The following RORB variants were observed in gnomAD, a reference collection of about 807,000 sequenced individuals.
RORB encodes RAR related orphan receptor B.
A neutral mutation model predicts 59.1 loss-of-function variants in RORB; 6 were observed. The ratio of observed to expected loss-of-function variants is 0.10; its 90% CI spans 0.06 to 0.20. The LOEUF (loss-of-function observed/expected upper bound fraction) is 0.20, where lower values mean the gene tolerates loss of function less well. Among genes scored for constraint, RORB ranks in the 10% least tolerant of loss-of-function variants. The pLI, the probability that RORB is intolerant of heterozygous loss-of-function variation, is 1.00. For missense variants in RORB, 320 were observed against 560.5 expected (o/e 0.57, Z 4.33); for synonymous variants, 215 against 204.5 (o/e 1.05, Z -0.44).
intron 1 of RORB, among the ~76,000 whole-genome samples, chr9:74,554,652 C>CTGTT (rs764935448): frequency 8.6e-5 from 13 of 151,994 alleles, no homozygotes; most frequent in African/African-American, 1.4e-4. Flanking sequence ...TACAAGCTTT[C>CTGTT]TGTTTGTTTG....
intron 1 of RORB, among the ~76,000 whole-genome samples, chr9:74,594,447 C>CTATCTGCTA (rs1240507572): frequency 6.6e-6 from 1 of 152,118 alleles, no homozygotes; most frequent in African/African-American, 2.4e-5. Context: ...ATATTCAAAA[C>CTATCTGCTA]TGGGGCTATC....
At chr9:74,606,312 G>T (rs962670906) in intron 1 of RORB, among the ~76,000 whole-genome samples, 4 of 152,154 alleles carry the variant, frequency 2.6e-5, no homozygotes, top group African/African-American at 9.7e-5. Flanking sequence ...CCTTTAAGTA[G>T]ACTAAACTCC....
chr9:74,636,156 ATAAAT>A (rs928040975), intron 3 of RORB, among the ~76,000 whole-genome samples: 19 of 152,158 alleles, frequency 1.2e-4, no homozygotes, highest in African/African-American at 4.3e-4. Context: ...ATCAAGGCAA[ATAAAT>A]TAAGAGAGAG....
intron 1 of RORB, among the ~76,000 whole-genome samples, chr9:74,583,002 A>G (rs2118262296): frequency 6.6e-6 from 1 of 152,264 alleles, no homozygotes; most frequent in Non-Finnish European, 1.5e-5. Flanking sequence ...ATGGGATCAT[A>G]TGTCCTACAG....
chr9:74,664,296 T>C (rs565864874), intron 6 of RORB, among the ~76,000 whole-genome samples: 1 of 152,186 alleles, frequency 6.6e-6, no homozygotes, highest in Non-Finnish European at 1.5e-5. Flanking sequence ...GGGAACCCAG[T>C]TCATTGTATC....
At chr9:74,502,870 G>A (rs1332626196) in intron 1 of RORB, among the ~76,000 whole-genome samples, 1 of 151,952 alleles carries the variant, frequency 6.6e-6, no homozygotes, top group Non-Finnish European at 1.5e-5. Context: ...AAAGTTATTA[G>A]TGATTGAGGT....
rs966069639 is a variant in RORB, at chr9:74,507,362, G to T, written c.7+9379G>T. Among the ~76,000 whole-genome samples the T allele has an allele frequency of 9.2e-5, 14 of 152,128 alleles. No individual in the cohort carries two copies. In the East Asian group the frequency reaches 2.3e-3, roughly 25 times the overall value. ...TTATTAAATAGGATCAAAATGTGTT[G>T]TTGCTGGTAATTTGCTCTGAGAACA... On this transcript the variant is annotated intron_variant, in intron 1 of 9. Transcript: ENST00000376896.
At chr9:74,512,470 A>G (rs1239995779) in intron 1 of RORB, among the ~76,000 whole-genome samples, 6 of 152,214 alleles carry the variant, frequency 3.9e-5, no homozygotes, top group African/African-American at 1.4e-4. Context: ...GTCTTCATAT[A>G]TTAGTACTAA....
chr9:74,637,570 A>C (rs918542819), intron 3 of RORB, among the ~76,000 whole-genome samples: 2 of 122,912 alleles, frequency 1.6e-5, no homozygotes, highest in Non-Finnish European at 3.4e-5. Flanking sequence ...AGCCTACTGA[A>C]TCTTCTCCAT....
At chr9:74,678,374 G>C (rs1304132359) in intron 9 of RORB, among the ~76,000 whole-genome samples, 2 of 152,096 alleles carry the variant, frequency 1.3e-5, no homozygotes, top group African/African-American at 4.8e-5. Flanking sequence ...CATGCCAACA[G>C]ATTCACTAAC....
chr9:74,661,879 C>T (rs7043288), intron 5 of RORB, among the ~76,000 whole-genome samples: 37,597 of 151,474 alleles, frequency 0.25, 5,890 homozygotes, highest in African/African-American at 0.44. Flanking sequence ...TCTCCTGACC[C>T]TGTGATCCGC....
intron 1 of RORB, among the ~76,000 whole-genome samples, chr9:74,519,729 C>T (rs982202115): frequency 1.3e-5 from 2 of 151,934 alleles, no homozygotes; most frequent in African/African-American, 4.8e-5. Flanking sequence ...GGTTTTTATT[C>T]TGTGAAGGTC....
chr9:74,679,705 T>G (rs952671948), intron 9 of RORB, among the ~76,000 whole-genome samples: 2 of 152,208 alleles, frequency 1.3e-5, no homozygotes, highest in African/African-American at 4.8e-5. Context: ...TGCTGGCATA[T>G]ACTATAGGTA....
intron 5 of RORB, among the ~76,000 whole-genome samples, chr9:74,661,297 A>G (rs1824175939): frequency 1.3e-5 from 2 of 152,164 alleles, no homozygotes; most frequent in Admixed American, 6.5e-5. Flanking sequence ...GTTTTTCAGT[A>G]TTTACATTAC....
intron 1 of RORB, among the ~76,000 whole-genome samples, chr9:74,571,414 A>AAAAAT (rs561169581): frequency 6.6e-6 from 1 of 151,990 alleles, no homozygotes; most frequent in African/African-American, 2.4e-5. Context: ...AAAAAAAAAA[A>AAAAAT]AAACACAGTT....
intron 1 of RORB, among the ~76,000 whole-genome samples, chr9:74,629,061 C>T (rs191114461): frequency 4.7e-4 from 71 of 152,220 alleles, no homozygotes; most frequent in African/African-American, 1.5e-3. Context: ...GGCTAGGAAA[C>T]TAGGAGTCAC....
Position 74,685,585 on chromosome 9 carries a change from C to A in RORB, c.1347C>A (p.Leu449=). 3 of 1,606,616 alleles carry A rather than the reference C, an allele frequency of 1.9e-6. No homozygotes were observed. Among genetic ancestry groups the A allele is most frequent in the Non-Finnish European group, 2.6e-6 (3 of 1,174,110 alleles). ...TGTTTCCTCCGTTATACAAGGAGCTCTTTAATCCTGACTGTGCCACCGGCT... is the reference window on the plus strand; with the variant it reads ...TGTTTCCTCCGTTATACAAGGAGCTATTTAATCCTGACTGTGCCACCGGCT... ...NTLFPPLYKE[L]FNPDCATGCK is the part of the protein sequence containing the mutation. The change falls in exon 10 of 10, where the codon CTC becomes CTA. Residue 449 remains leucine (L), a synonymous_variant. Transcript: ENST00000376896.
intron 1 of RORB, among the ~76,000 whole-genome samples, chr9:74,621,995 C>T (rs1435415823): frequency 6.6e-6 from 1 of 152,160 alleles, no homozygotes; most frequent in African/African-American, 2.4e-5. Context: ...CCTGACGTCT[C>T]TCCATTCTCT....
Position 74,665,544 on chromosome 9 carries a change from A to G in RORB, c.949A>G (p.Thr317Ala). 1 of 1,613,414 alleles carries G rather than the reference A, an allele frequency of 6.2e-7. No homozygotes were observed. The highest frequency in any genetic ancestry group is 8.5e-7 in the Non-Finnish European group (1 of 1,179,580). Residue 317 changes from threonine to alanine, a missense_variant, in exon 7 of 10, where the codon ACT (threonine) becomes GCT (alanine). Thr to Ala is a moderately conservative substitution (Grantham distance 58, BLOSUM62 0). Coordinates refer to ENST00000376896, the MANE Select transcript of RORB (RefSeq NM_006914.4). ...MCRAFNPLNN[T>A]VLFEGKYGGM... ...CCGTGCCTTCAACCCATTAAACAAC[A>G]CTGTTCTGTTTGAAGGAAAATATGG...
Sources: allele counts gnomAD v4.1 joint callset (sites outside exome capture counted in the v4.1 genomes callset), GRCh38; gene constraint gnomAD v4.1.1; transcripts MANE v1.5; gene names NCBI Gene and HGNC (gene_info 2026-07-23, HGNC 2026-07-21).